The following STPG2 variants were observed in gnomAD, a reference collection of about 807,000 sequenced individuals.
STPG2 encodes the protein sperm tail PG-rich repeat containing 2, also known as sperm-tail PG-rich repeat-containing protein 2.
STPG2 carries 56 observed loss-of-function variants against 54.2 expected under a neutral mutation model. The observed-to-expected ratio is 1.03, with a 90% CI of 0.83 to 1.29. The LOEUF (loss-of-function observed/expected upper bound fraction) is 1.29. STPG2 is among the 50% of genes most tolerant of loss of function. The pLI, the probability that STPG2 is intolerant of heterozygous loss-of-function variation, is 0.00. For synonymous variants in STPG2, 200 were observed against 181.8 expected (o/e 1.10, Z -0.81); for missense variants, 596 against 544.9 (o/e 1.09, Z -0.93).
intron 3 of STPG2, among the ~76,000 whole-genome samples, chr4:98,111,510 C>G (rs1426711339): frequency 6.6e-6 from 1 of 152,120 alleles, no homozygotes; most frequent in Non-Finnish European, 1.5e-5. Flanking sequence ...CAAAAAGAAG[C>G]TGGCGCACAC....
intron 10 of STPG2, among the ~76,000 whole-genome samples, chr4:97,701,757 T>C (rs1409508710): frequency 6.6e-6 from 1 of 152,216 alleles, no homozygotes; most frequent in Non-Finnish European, 1.5e-5. Context: ...CATGATTAAT[T>C]AGCCAATCCC....
rs139220299 is a variant in STPG2 at position 97,492,446 on chromosome 4, A to T, written c.462+220253T>A. ...CCTAGATATTTGACTCCAAGATGTA[A>T]CTTCCTATTTGTTGAAAACATGCAA... On this transcript the variant is annotated intron_variant, in intron 4 of 4. Coordinates refer to the STPG2 transcript ENST00000522676. 7.8e-4 allele frequency among the ~76,000 whole-genome samples: 119 copies of T among 151,658 alleles called. 1 individual carries two copies. Among genetic ancestry groups the T allele is most frequent in the South Asian group, 2.1e-3 (10 of 4,810 alleles).
At chr4:98,089,743 AT>A (rs1738629766) in intron 5 of STPG2, among the ~76,000 whole-genome samples, 1 of 150,032 alleles carries the variant, frequency 6.7e-6, no homozygotes, top group Non-Finnish European at 1.5e-5. Context: ...AATTATGGTC[AT>A]TCTTGCTAGA....
At chr4:97,666,648 T>G (rs778908523) in intron 10 of STPG2, among the ~76,000 whole-genome samples, 1 of 152,182 alleles carries the variant, frequency 6.6e-6, no homozygotes, top group African/African-American at 2.4e-5. Flanking sequence ...ACAAAGCCAC[T>G]TTAGGATATA....
intron 8 of STPG2, among the ~76,000 whole-genome samples, chr4:97,919,706 C>T (rs1437006827): frequency 6.6e-6 from 1 of 151,926 alleles, no homozygotes; most frequent in African/African-American, 2.4e-5. Context: ...GGTCCAGAAA[C>T]TTTAACAGTG....
At chr4:97,877,154 C>G (rs945751690) in intron 8 of STPG2, among the ~76,000 whole-genome samples, 3 of 152,100 alleles carry the variant, frequency 2.0e-5, no homozygotes, top group African/African-American at 7.2e-5. Context: ...CAATTATGGT[C>G]ACCATGCAGT....
At chr4:97,920,725 T>C (rs1012219228) in intron 8 of STPG2, among the ~76,000 whole-genome samples, 1 of 152,260 alleles carries the variant, frequency 6.6e-6, no homozygotes, top group Admixed American at 6.5e-5. Context: ...GACAGGACCA[T>C]AGACGTGAGA....
At chr4:98,058,814 T>A (rs11940273) in intron 5 of STPG2, among the ~76,000 whole-genome samples, 59,957 of 151,894 alleles carry the variant, frequency 0.39, 12,059 homozygotes, top group Middle Eastern at 0.47. Context: ...ATCATTGGAC[T>A]TAAAACTTAT....
intron 10 of STPG2, among the ~76,000 whole-genome samples, chr4:97,637,933 G>C (rs972778544): frequency 1.3e-5 from 2 of 151,880 alleles, no homozygotes; most frequent in Non-Finnish European, 2.9e-5. Flanking sequence ...GTAATTTACA[G>C]ATTCAATGCC....
chr4:97,915,907 G>T (rs1731855960), intron 8 of STPG2, among the ~76,000 whole-genome samples: 1 of 152,072 alleles, frequency 6.6e-6, no homozygotes, highest in African/African-American at 2.4e-5. Context: ...GGATAGAGGG[G>T]GTGAGAGTAA....
In STPG2 at chr4:97,781,783, C is replaced by T. The variant is rs539461992; in HGVS notation, c.1204+58990G>A. On this transcript the variant is annotated intron_variant, in intron 9 of 10. Coordinates refer to ENST00000295268, the MANE Select transcript of STPG2 (RefSeq NM_174952.3). ...GGATGCAAGTCTGGTTCAACATAGG[C>T]AAATCAATAAACGTAATCCAGCATA... Among the ~76,000 whole-genome samples the T allele has an allele frequency of 6.4e-4, 97 of 151,686 alleles. 2 individuals carry two copies. Among genetic ancestry groups the T allele is most frequent in the Non-Finnish European group, 3.2e-4 (22 of 67,958 alleles).
intron 8 of STPG2, among the ~76,000 whole-genome samples, chr4:97,850,459 T>A (rs1463041409): frequency 9.3e-6 from 1 of 107,152 alleles, no homozygotes; most frequent in Non-Finnish European, 2.0e-5. Context: ...TTTTACCATT[T>A]TTTTTTGTTT....
At chr4:98,120,996 T>C (rs899614194) in intron 3 of STPG2, among the ~76,000 whole-genome samples, 2 of 152,246 alleles carry the variant, frequency 1.3e-5, no homozygotes, top group African/African-American at 4.8e-5. Context: ...TTCTCAATGG[T>C]ATTGCTCAGA....
intron 8 of STPG2, among the ~76,000 whole-genome samples, chr4:97,903,461 C>T (rs995958555): frequency 6.7e-6 from 1 of 150,216 alleles, no homozygotes; most frequent in East Asian, 2.0e-4. Flanking sequence ...AAAAAAACAG[C>T]AAATTAAATA....
At chr4:98,135,399 T>C (rs1363279459) in intron 1 of STPG2, among the ~76,000 whole-genome samples, 2 of 151,832 alleles carry the variant, frequency 1.3e-5, no homozygotes, top group Non-Finnish European at 3.0e-5. Flanking sequence ...GTGTTAGGTA[T>C]TGCAACATAA....
At chr4:98,022,417 G>A (rs1736245871) in intron 5 of STPG2, among the ~76,000 whole-genome samples, 1 of 152,152 alleles carries the variant, frequency 6.6e-6, no homozygotes, top group Admixed American at 6.5e-5. Flanking sequence ...CCCTTTGTGG[G>A]TAACGTGACC....
chr4:97,851,938 C>T (rs1729171831), intron 8 of STPG2, among the ~76,000 whole-genome samples: 1 of 152,184 alleles, frequency 6.6e-6, no homozygotes, highest in Non-Finnish European at 1.5e-5. Flanking sequence ...AGAGAATAAG[C>T]AGATTATCTC....
At chr4:97,828,427 C>G (rs1189816651) in intron 9 of STPG2, among the ~76,000 whole-genome samples, 1 of 152,164 alleles carries the variant, frequency 6.6e-6, no homozygotes, top group Non-Finnish European at 1.5e-5. Flanking sequence ...CCTATGCCAT[C>G]AGGGCCCAGG....
chr4:97,927,457 T>A (rs1387294298), intron 8 of STPG2, among the ~76,000 whole-genome samples: 3 of 152,096 alleles, frequency 2.0e-5, no homozygotes, highest in Admixed American at 1.3e-4. Context: ...AGTTTCTCAA[T>A]AACTAAAGGA....
Sources: allele counts gnomAD v4.1 joint callset (sites outside exome capture counted in the v4.1 genomes callset), GRCh38; gene constraint gnomAD v4.1.1; transcripts MANE v1.5; gene names NCBI Gene and HGNC (gene_info 2026-07-23, HGNC 2026-07-21).